Variants in GABRB1 observed in about 807,000 individuals in gnomAD.
GABRB1 encodes gamma-aminobutyric acid type A receptor subunit beta1, also known as gamma-aminobutyric acid receptor subunit beta-1.
In GABRB1, 17 loss-of-function variants were observed where a neutral mutation model predicts 51.6. That is an observed-to-expected ratio of 0.33 (90% confidence interval 0.23 to 0.49). GABRB1 has a LOEUF of 0.49. GABRB1 is among the 20% of genes least tolerant of loss of function. The probability of loss-of-function intolerance (pLI) is 0.99; values close to 1 mark genes in which losing one functional copy is unlikely to be tolerated. For missense variants in GABRB1, 410 were observed against 600.6 expected (o/e 0.68, Z 3.32); for synonymous variants, 247 against 218.9 (o/e 1.13, Z -1.14).
chr4:47,211,314 C>G (rs756218162), intron 4 of GABRB1, among the ~76,000 whole-genome samples: 16 of 152,102 alleles, frequency 1.1e-4, no homozygotes, highest in Non-Finnish European at 1.9e-4. Context: ...ACTAAGAGAT[C>G]TTTACAACTT....
At chr4:47,012,271 G>A (rs1229997659) in intron 1 of GABRB1, among the ~76,000 whole-genome samples, 2 of 152,146 alleles carry the variant, frequency 1.3e-5, no homozygotes, top group African/African-American at 2.4e-5. Flanking sequence ...ATGGGGGTTT[G>A]TTGTACAGAT....
chr4:47,193,155 T>C (rs763633197), intron 4 of GABRB1, among the ~76,000 whole-genome samples: 1 of 152,204 alleles, frequency 6.6e-6, no homozygotes, highest in Non-Finnish European at 1.5e-5. Context: ...TGTTTCTATT[T>C]TGTTCTGTTA....
Position 47,151,812 on chromosome 4 carries a change from T to A in GABRB1, c.241-9437T>A, listed in dbSNP as rs190915205. On this transcript the variant is annotated intron_variant, in intron 3 of 8. Transcript: ENST00000295454. ...GATGAATTAATCAATTTAATTTTTT[T>A]GTTTTGATTATTGACTAACTTGTAA... Among the ~76,000 whole-genome samples the A allele has an allele frequency of 2.9e-3, 443 of 152,146 alleles. 2 individuals are homozygous for A. Among genetic ancestry groups the A allele is most frequent in the African/African-American group, 0.01 (418 of 41,558 alleles).
chr4:47,157,019 C>A (rs553796933), intron 3 of GABRB1, among the ~76,000 whole-genome samples: 1 of 152,012 alleles, frequency 6.6e-6, no homozygotes, highest in African/African-American at 2.4e-5. Context: ...TCATTGAGTG[C>A]TACTGGTTTG....
chr4:47,345,268 C>T (rs1726048643), intron 5 of GABRB1, among the ~76,000 whole-genome samples: 1 of 152,102 alleles, frequency 6.6e-6, no homozygotes, highest in Non-Finnish European at 1.5e-5. Flanking sequence ...GCTAAGATGA[C>T]AACAGAGAGC....
chr4:47,071,630 T>A (rs976548921), intron 3 of GABRB1, among the ~76,000 whole-genome samples: 1 of 151,722 alleles, frequency 6.6e-6, no homozygotes, highest in African/African-American at 2.4e-5. Context: ...TATATCCACA[T>A]GTACTTATTT....
chr4:47,411,216 T>C (rs775752628), intron 8 of GABRB1, among the ~76,000 whole-genome samples: 7 of 152,106 alleles, frequency 4.6e-5, no homozygotes, highest in Non-Finnish European at 8.8e-5. Context: ...TTAAAGTTCA[T>C]AAGAAATAGC....
At chr4:47,130,733 A>T (rs1349475064) in intron 3 of GABRB1, among the ~76,000 whole-genome samples, 4 of 152,312 alleles carry the variant, frequency 2.6e-5, no homozygotes, top group Admixed American at 6.5e-5. Context: ...TCATGAGAGC[A>T]GGGATCTCAT....
At chr4:47,048,376 G>A (rs914676862) in intron 3 of GABRB1, among the ~76,000 whole-genome samples, 2 of 152,060 alleles carry the variant, frequency 1.3e-5, no homozygotes, top group African/African-American at 2.4e-5. Flanking sequence ...TAATGAAGAG[G>A]AGACACAGCA....
intron 4 of GABRB1, among the ~76,000 whole-genome samples, chr4:47,168,713 T>C (rs191472258): frequency 1.1e-4 from 16 of 152,296 alleles, no homozygotes; most frequent in Admixed American, 8.5e-4. Flanking sequence ...TTAATTTTAA[T>C]GTAATTGTAT....
At chr4:46,998,279 T>A (rs897206883) in intron 1 of GABRB1, among the ~76,000 whole-genome samples, 2 of 152,208 alleles carry the variant, frequency 1.3e-5, no homozygotes, top group African/African-American at 4.8e-5. Context: ...TTTTAGATTA[T>A]TAATTATTTT....
intron 5 of GABRB1, among the ~76,000 whole-genome samples, chr4:47,342,951 G>A (rs1378954198): frequency 6.6e-6 from 1 of 152,078 alleles, no homozygotes; most frequent in African/African-American, 2.4e-5. Context: ...CCTCAATGCT[G>A]TCATATTTGG....
intron 3 of GABRB1, among the ~76,000 whole-genome samples, chr4:47,065,677 A>G (rs1240181989): frequency 6.6e-6 from 1 of 152,218 alleles, no homozygotes; most frequent in East Asian, 1.9e-4. Flanking sequence ...CAAATTAGCC[A>G]AACACTGTAA....
chr4:47,195,705 A>G (rs1025926907), intron 4 of GABRB1, among the ~76,000 whole-genome samples: 66 of 152,164 alleles, frequency 4.3e-4, no homozygotes, highest in African/African-American at 1.5e-3. Context: ...ATTTATTTGT[A>G]TATTTATTTA....
intron 5 of GABRB1, among the ~76,000 whole-genome samples, chr4:47,322,787 A>T (rs182005110): frequency 5.3e-5 from 8 of 152,268 alleles, no homozygotes; most frequent in African/African-American, 1.4e-4. Context: ...CCTGACAAAT[A>T]TGGTGAAACC....
At chr4:47,019,627 CTTTCTT>C (rs1216672108) in intron 1 of GABRB1, among the ~76,000 whole-genome samples, 84 of 87,684 alleles carry the variant, frequency 9.6e-4, no homozygotes, top group Admixed American at 2.9e-3. Flanking sequence ...CTTTCTCTCT[CTTTCTT>C]TCTTTCTTTC....
intron 8 of GABRB1, among the ~76,000 whole-genome samples, chr4:47,412,034 G>A (rs1728775403): frequency 6.6e-6 from 1 of 152,084 alleles, no homozygotes. Flanking sequence ...CTACTTTGGG[G>A]TTGCCTTAAT....
chr4:47,003,137 C>A (rs146841606), intron 1 of GABRB1, among the ~76,000 whole-genome samples: 30 of 152,294 alleles, frequency 2.0e-4, no homozygotes, highest in East Asian at 1.9e-3. Flanking sequence ...TCTGAATCTA[C>A]TAAAGCTTTC....
chr4:47,372,289 G>C (rs1309390241), intron 5 of GABRB1, among the ~76,000 whole-genome samples: 1 of 152,112 alleles, frequency 6.6e-6, no homozygotes, highest in Non-Finnish European at 1.5e-5. Flanking sequence ...TGTTCCATTG[G>C]TCTATGTGTC....
Sources: gnomAD v4.1 joint callset for allele counts (sites outside exome capture counted in the v4.1 genomes callset) on GRCh38, gnomAD v4.1.1 for gene constraint, MANE v1.5 for transcripts, NCBI Gene and HGNC (gene_info 2026-07-23, HGNC 2026-07-21) for gene names.